RPSA2: variants seen among roughly 807,000 people sequenced by gnomAD.
RPSA2 encodes the protein small ribosomal subunit protein uS2B.
the RPSA2 span, chr19:23,832,203 C>T: frequency 4.6e-4 from 195 of 427,704 alleles, no homozygotes; most frequent in East Asian, 7.9e-4. Flanking sequence ...AGAGGATGCA[C>T]AGAAGAAAGA....
At chr19:23,765,439 T>A in the RPSA2 span, among the ~76,000 whole-genome samples, 1 of 127,098 alleles carries the variant, frequency 7.9e-6, no homozygotes, top group Non-Finnish European at 1.6e-5. Flanking sequence ...ATATAAAACA[T>A]GGAGTACTGT....
chr19:23,779,991 T>C, the RPSA2 span, among the ~76,000 whole-genome samples: 2 of 152,214 alleles, frequency 1.3e-5, no homozygotes, highest in Non-Finnish European at 2.9e-5. Flanking sequence ...GTCGCTCTCC[T>C]GCGTGATTTC....
the RPSA2 span, among the ~76,000 whole-genome samples, chr19:23,760,693 C>G: frequency 3.4e-4 from 50 of 145,960 alleles, no homozygotes; most frequent in Non-Finnish European, 6.0e-4. Flanking sequence ...AAGACAGAGT[C>G]TTGCTGTGTT....
chr19:23,865,398 TGG>T, the RPSA2 span, among the ~76,000 whole-genome samples: 1 of 152,222 alleles, frequency 6.6e-6, no homozygotes. Context: ...TGTGGAAAAT[TGG>T]GACACAGTAG....
chr19:23,779,326 A>G, the RPSA2 span, among the ~76,000 whole-genome samples: 1 of 151,992 alleles, frequency 6.6e-6, no homozygotes, highest in Non-Finnish European at 1.5e-5. Flanking sequence ...CTGAGCTCCT[A>G]GGTAATAAGA....
At chr19:23,851,287 G>T in the RPSA2 span, among the ~76,000 whole-genome samples, 2 of 152,166 alleles carry the variant, frequency 1.3e-5, no homozygotes, top group Non-Finnish European at 2.9e-5. Flanking sequence ...AGCAGCAGTG[G>T]ACAGTAAGCT....
At chr19:23,856,308 T>A in the RPSA2 span, among the ~76,000 whole-genome samples, 1 of 152,116 alleles carries the variant, frequency 6.6e-6, no homozygotes, top group Non-Finnish European at 1.5e-5. Context: ...GATCCCATAG[T>A]TCCACATCTA....
At chr19:23,836,722 A>G in the RPSA2 span, among the ~76,000 whole-genome samples, 1 of 152,012 alleles carries the variant, frequency 6.6e-6, no homozygotes, top group South Asian at 2.1e-4. Flanking sequence ...GCAGGAATAG[A>G]GTGGTATCGC....
At chr19:23,809,001 T>C in the RPSA2 span, 1 of 197,552 alleles carries the variant, frequency 5.1e-6, no homozygotes, top group Non-Finnish European at 1.0e-5. Context: ...TTCTAAGAAT[T>C]CTAATTTCCC....
the RPSA2 span, among the ~76,000 whole-genome samples, chr19:23,864,466 C>A: frequency 2.0e-5 from 3 of 152,080 alleles, no homozygotes; most frequent in African/African-American, 4.8e-5. Flanking sequence ...AAATGTAACA[C>A]ACAAAGGCCT....
At chr19:23,835,257 T>C in the RPSA2 span, among the ~76,000 whole-genome samples, 1 of 152,168 alleles carries the variant, frequency 6.6e-6, no homozygotes. Flanking sequence ...CAAGCACATA[T>C]GGACTGTTAG....
the RPSA2 span, among the ~76,000 whole-genome samples, chr19:23,765,438 A>G: frequency 7.4e-6 from 1 of 135,374 alleles, no homozygotes; most frequent in South Asian, 2.7e-4. Context: ...CATATAAAAC[A>G]TGGAGTACTG....
the RPSA2 span, among the ~76,000 whole-genome samples, chr19:23,869,901 T>G: frequency 6.6e-6 from 1 of 152,244 alleles, no homozygotes; most frequent in Non-Finnish European, 1.5e-5. Flanking sequence ...TTAATCCTTA[T>G]GTCTTTTTGG....
the RPSA2 span, among the ~76,000 whole-genome samples, chr19:23,817,005 T>C: frequency 1.2e-5 from 1 of 84,432 alleles, no homozygotes; most frequent in Non-Finnish European, 2.3e-5. Flanking sequence ...TTAAATATCT[T>C]AAAATTCAAA....
the RPSA2 span, among the ~76,000 whole-genome samples, chr19:23,834,521 A>G: frequency 2.0e-5 from 3 of 152,046 alleles, no homozygotes; most frequent in Admixed American, 2.0e-4. Context: ...TTTGTGATAC[A>G]TGAGGTAGGT....
chr19:23,802,061 T>C, the RPSA2 span, among the ~76,000 whole-genome samples: 2 of 152,178 alleles, frequency 1.3e-5, no homozygotes, highest in East Asian at 1.9e-4. Context: ...AGACTTTAGA[T>C]TGAGAATGTA....
the RPSA2 span, among the ~76,000 whole-genome samples, chr19:23,829,231 A>G: frequency 6.6e-6 from 1 of 152,004 alleles, no homozygotes; most frequent in Non-Finnish European, 1.5e-5. Context: ...TGATTATTGC[A>G]TCTTTGTGTC....
the RPSA2 span, among the ~76,000 whole-genome samples, chr19:23,863,443 A>G: frequency 6.6e-6 from 1 of 151,942 alleles, no homozygotes; most frequent in African/African-American, 2.4e-5. Context: ...AGGCACCTAT[A>G]ATCCCAGCTA....
At chr19:23,775,775 G>A in the RPSA2 span, among the ~76,000 whole-genome samples, 1 of 152,320 alleles carries the variant, frequency 6.6e-6, no homozygotes, top group African/African-American at 2.4e-5. Flanking sequence ...GCCAGTAAGA[G>A]GGATTGAGTC....
Sources: allele counts gnomAD v4.1 joint callset (sites outside exome capture counted in the v4.1 genomes callset), GRCh38; gene constraint gnomAD v4.1.1; transcripts MANE v1.5; gene names NCBI Gene and HGNC (gene_info 2026-07-23, HGNC 2026-07-21).